The following DYSF variants were observed in gnomAD, a reference collection of about 807,000 sequenced individuals.
DYSF encodes the protein dysferlin.
Under a neutral mutation model 274.9 loss-of-function variants are expected in DYSF, and 212 were observed. That is an observed-to-expected ratio of 0.77 (90% CI 0.69 to 0.86). The LOEUF (loss-of-function observed/expected upper bound fraction) is 0.86, where lower values mean the gene tolerates loss of function less well. DYSF is among the 40% of genes least tolerant of loss of function. The pLI is 0.00. For synonymous variants in DYSF, 1,091 were observed against 1,078.7 expected (o/e 1.01, Z -0.22); for missense variants, 2,666 against 2,783.2 (o/e 0.96, Z 0.95).
At chr2:71,681,931 AAG>A (rs756074126) in intron 54 of DYSF, among the ~76,000 whole-genome samples, 28 of 152,226 alleles carry the variant, frequency 1.8e-4, no homozygotes, top group Non-Finnish European at 3.5e-4. Flanking sequence ...ACAGGAAGAA[AAG>A]AGAGACCCGT....
rs1417450999 is a variant in DYSF at position 71,570,340 on chromosome 2, C to A, written c.3085+6C>A. On this transcript the variant is annotated splice_donor_region_variant and intron_variant, in intron 28 of 55. Transcript: ENST00000410020. ...CCGGGCTGTCGATGAGCAAGGTGGG[C>A]AGCATGTGGAACCTGGCGAGCCCCA... 1.9e-6 allele frequency: 3 copies of A among 1,613,464 alleles called. No homozygotes were observed. The highest frequency in any genetic ancestry group is 2.5e-6 in the Non-Finnish European group (3 of 1,179,606).
intron 41 of DYSF, among the ~76,000 whole-genome samples, chr2:71,637,146 A>T (rs2094417023): frequency 1.3e-5 from 2 of 152,180 alleles, no homozygotes; most frequent in Admixed American, 6.5e-5. Context: ...GTGGGCAGAG[A>T]GAGAGACGTA....
chr2:71,643,689 G>T (rs566771803), intron 41 of DYSF, among the ~76,000 whole-genome samples: 1 of 152,318 alleles, frequency 6.6e-6, no homozygotes, highest in African/African-American at 2.4e-5. Context: ...GAAAAGGGAG[G>T]CTGGGGAGTT....
At chr2:71,562,040 A>G in intron 23 of DYSF, 96 bp downstream of exon 23, 2 of 1,506,892 alleles carry the variant, frequency 1.3e-6, no homozygotes, top group South Asian at 2.4e-5. Flanking sequence ...ATTATTACCC[A>G]CCCCGGTTCC....
In DYSF at chr2:71,513,827, C is replaced by T. The variant is rs756925596; in HGVS notation, c.665C>T (p.Pro222Leu). ...GCTCCCACCACCCCAAGGAAACTAC[C>T]TTCACGTCCTCCGCCCCACTACCCC... is the stretch of plus-strand genomic sequence containing the variant. ...PGAPTTPRKLPSRPPPHYPGI... is the reference protein window; with the variant it reads ...PGAPTTPRKLLSRPPPHYPGI... Residue 222 changes from proline to leucine, a missense_variant, in exon 7 of 56, where the codon CCT becomes CTT. By Grantham distance (98) the Pro-to-Leu change is moderately conservative (BLOSUM62 -3). Around this residue, in one of 3 missense-constraint regions of DYSF, gnomAD observed 794 missense variants for 777.1 expected, o/e 1.02. Coordinates refer to ENST00000410020, the MANE Select transcript of DYSF (RefSeq NM_001130987.2). The T allele has an allele frequency of 9.9e-6, 16 of 1,614,216 alleles. No individual in the cohort carries two copies. Among genetic ancestry groups the T allele is most frequent in the Non-Finnish European group, 1.2e-5 (14 of 1,180,032 alleles).
At chr2:71,584,000 C>G (rs1388413229) in intron 30 of DYSF, among the ~76,000 whole-genome samples, 1 of 152,176 alleles carries the variant, frequency 6.6e-6, no homozygotes. Context: ...ACCCAGTTCC[C>G]TGGACAAGCA....
intron 41 of DYSF, among the ~76,000 whole-genome samples, chr2:71,621,608 C>T (rs2152896239): frequency 2.4e-5 from 2 of 83,540 alleles, no homozygotes; most frequent in East Asian, 4.9e-4. Flanking sequence ...AATATTTTTC[C>T]ATATTTGTAT....
rs886044549 is a variant in DYSF at position 71,513,793 on chromosome 2, G to A, written c.631G>A (p.Gly211Ser). The A allele has an allele frequency of 6.2e-7, 1 of 1,614,160 alleles. No homozygotes were observed. The highest frequency in any genetic ancestry group is 1.1e-5 in the South Asian group (1 of 91,082). Residue 211 changes from glycine (G) to serine (S), a missense_variant, in exon 7 of 56, where the codon GGC becomes AGC. Physicochemically the swap from Gly to Ser is moderately conservative, Grantham distance 56 (BLOSUM62 0). Around this residue, in one of 3 missense-constraint regions of DYSF, gnomAD observed 794 missense variants for 777.1 expected, o/e 1.02. Transcript: ENST00000410020. ...EAEPFLDQSG[G>S]PGAPTTPRKL... ...GGAGCCATTCCTGGATCAAAGCGGA[G>A]GCCCGGGGGCTCCCACCACCCCAAG...
chr2:71,493,870 A>AAAAAAAAAAAAAAAAG (rs2084118269), intron 3 of DYSF, among the ~76,000 whole-genome samples: 1 of 144,006 alleles, frequency 6.9e-6, no homozygotes, highest in Non-Finnish European at 1.5e-5. Context: ...AAAAAAAAAA[A>AAAAAAAAAAAAAAAAG]AAAAGAAAGA....
Position 71,567,960 on chromosome 2 carries a change from G to A in DYSF, c.2575G>A (p.Glu859Lys). 1 of 1,614,168 alleles carries A rather than the reference G, an allele frequency of 6.2e-7. No individual in the cohort carries two copies. The highest frequency in any genetic ancestry group is 1.1e-5 in the South Asian group (1 of 91,074). The change falls in exon 25 of 56, where the codon GAG becomes AAG. Residue 859 changes from glutamate (E) to lysine (K), a missense_variant. Transcript: ENST00000410020. ...CTTCTCTGGTACCCAGTATCCGATG[G>A]AGAAGGTGCCTGGCGCCCGGATGCC... ...LQTIFLKYPMEKVPGARMPVQ... is the reference protein window; with the variant it reads ...LQTIFLKYPMKKVPGARMPVQ...
chr2:71,599,696 C>T (rs1000739934), intron 33 of DYSF, among the ~76,000 whole-genome samples: 5 of 152,206 alleles, frequency 3.3e-5, no homozygotes, highest in African/African-American at 1.2e-4. Context: ...GAGGCCCGGC[C>T]TGCGCTGGAG....
Position 71,679,179 on chromosome 2 carries a change from A to G in DYSF, c.6007A>G (p.Thr2003Ala). ...GTTTGTGTCCCTTTTTGAGCAGAAA[A>G]CAGTGAAGGGCTGGTGGCCCTGTGT... ...EWFVSLFEQK[T>A]VKGWWPCVAE... The change falls in exon 53 of 56, where the codon ACA becomes GCA. Residue 2003 changes from threonine to alanine, a missense_variant. Physicochemically the swap from Thr to Ala is moderately conservative, Grantham distance 58. This residue lies in a region of DYSF where 1,460 missense variants were observed against 1,502.1 expected (regional missense o/e 0.97). Transcript: ENST00000410020. The G allele has an allele frequency of 6.2e-7, 1 of 1,614,038 alleles. No homozygotes were observed. The highest frequency in any genetic ancestry group is 8.5e-7 in the Non-Finnish European group (1 of 1,179,966).
intron 42 of DYSF, among the ~76,000 whole-genome samples, chr2:71,650,302 G>A (rs573396479): frequency 6.6e-6 from 1 of 152,198 alleles, no homozygotes; most frequent in Non-Finnish European, 1.5e-5. Context: ...TCAATACAGC[G>A]AAACTCTGTC....
chr2:71,537,791 G>C (rs1305523611), intron 16 of DYSF, among the ~76,000 whole-genome samples: 2 of 152,136 alleles, frequency 1.3e-5, no homozygotes. Flanking sequence ...TCACAATGGG[G>C]CTGGGATGTG....
chr2:71,634,895 A>G (rs1473449661), intron 41 of DYSF, among the ~76,000 whole-genome samples: 2 of 152,116 alleles, frequency 1.3e-5, no homozygotes, highest in African/African-American at 4.8e-5. Context: ...AAATCCTTCT[A>G]GTTTTCCTGG....
chr2:71,534,705 A>G (rs2089127972), intron 14 of DYSF, among the ~76,000 whole-genome samples: 1 of 152,182 alleles, frequency 6.6e-6, no homozygotes, highest in Non-Finnish European at 1.5e-5. Flanking sequence ...ATTTAGGGTC[A>G]TGGCCATAAT....
At chr2:71,585,208 C>A (rs2093026376) in intron 30 of DYSF, among the ~76,000 whole-genome samples, 1 of 152,204 alleles carries the variant, frequency 6.6e-6, no homozygotes, top group Non-Finnish European at 1.5e-5. Context: ...AGGACAGCCT[C>A]ATAGCAAAGA....
intron 40 of DYSF, among the ~76,000 whole-genome samples, chr2:71,618,155 T>G (rs2093959432): frequency 1.8e-3 from 1 of 570 alleles, no homozygotes; most frequent in African/African-American, 6.3e-3. Context: ...AGAGGTGGTG[T>G]GTGTGTGTGT....
intron 7 of DYSF, 88 bp downstream of exon 7, chr2:71,514,009 G>A (rs1304848854): frequency 2.0e-6 from 3 of 1,496,136 alleles, no homozygotes; most frequent in Middle Eastern, 3.7e-4. Context: ...CCAGCTTCAG[G>A]GGAAGATGTG....
Sources: allele counts gnomAD v4.1 joint callset (sites outside exome capture counted in the v4.1 genomes callset), GRCh38; gene constraint gnomAD v4.1.1; regional missense constraint gnomAD v4.1.1; transcripts MANE v1.5; gene names NCBI Gene and HGNC (gene_info 2026-07-23, HGNC 2026-07-21).